ATXN7: variants seen among roughly 807,000 people sequenced by gnomAD.
ATXN7 encodes ataxin 7.
In ATXN7, 12 loss-of-function variants were observed where a neutral mutation model predicts 70.5. The observed-to-expected ratio is 0.17, with a 90% CI of 0.11 to 0.28. ATXN7 has a LOEUF of 0.28. Among genes scored for constraint, ATXN7 ranks in the 10% least tolerant of loss-of-function variants. ATXN7 has a pLI of 1.00. For synonymous variants in ATXN7, 498 were observed against 448.7 expected (o/e 1.11, Z -1.39); for missense variants, 1,256 against 1,131.7 (o/e 1.11, Z -1.58).
intron 8 of ATXN7, 63 bp from the exon 9 acceptor site, chr3:63,987,996 A>T: frequency 6.3e-7 from 1 of 1,591,144 alleles, no homozygotes; most frequent in South Asian, 1.1e-5. Context: ...GTGTTTTGGG[A>T]TATAAGGCAG....
intron 4 of ATXN7, among the ~76,000 whole-genome samples, chr3:63,930,492 A>G (rs1255558602): frequency 1.3e-5 from 2 of 152,136 alleles, no homozygotes; most frequent in African/African-American, 2.4e-5. Flanking sequence ...CCAGAGTGGA[A>G]GAATAGCCAC....
intron 4 of ATXN7, among the ~76,000 whole-genome samples, chr3:63,924,354 G>A (rs1704621789): frequency 6.6e-6 from 1 of 152,178 alleles, no homozygotes; most frequent in Admixed American, 6.5e-5. Flanking sequence ...GGAGCATGGT[G>A]GAGCAGTCTG....
intron 2 of ATXN7, among the ~76,000 whole-genome samples, chr3:63,907,626 AT>A (rs547898744): frequency 0.12 from 15,587 of 131,114 alleles, 944 homozygotes; most frequent in Middle Eastern, 0.17. Context: ...GCCTGGCTGT[AT>A]TTTTTTTTTT....
chr3:63,988,397 G>C, intron 9 of ATXN7, 73 bp downstream of exon 9: 1 of 1,562,066 alleles, frequency 6.4e-7, no homozygotes, highest in South Asian at 1.2e-5. Flanking sequence ...ATTTCAGTAT[G>C]GTCATGCTGT....
Position 63,952,156 on chromosome 3 carries a change from G to A in ATXN7, c.395-223G>A, listed in dbSNP as rs56999098. Among the ~76,000 whole-genome samples, 466 of 152,274 alleles carry A rather than the reference G, an allele frequency of 3.1e-3. 3 individuals are homozygous for A. Among genetic ancestry groups the A allele is most frequent in the African/African-American group, 0.011 (451 of 41,556 alleles). On this transcript the variant is annotated intron_variant, in intron 4 of 12. Transcript: ENST00000674280. ...TTCATTGTTTGCATTTTAAAAGATT[G>A]TTTCACCACATCATAATTATTTTTG... is the stretch of plus-strand genomic sequence containing the variant.
In ATXN7 at chr3:63,913,240, C is replaced by G. The variant is rs776722384; in HGVS notation, c.394+15C>G. On this transcript the variant is annotated intron_variant, in intron 4 of 12. Transcript: ENST00000674280. ...CTGTCGGGAAGGTGAGTCCAGCCCCCCTGATGGAGTTTGTACAAACCCCTG... is the reference window on the plus strand; with the variant it reads ...CTGTCGGGAAGGTGAGTCCAGCCCCGCTGATGGAGTTTGTACAAACCCCTG... 1.7e-5 allele frequency: 27 copies of G among 1,612,418 alleles called. No homozygotes were observed. The East Asian group carries it at 5.1e-4, about 31-fold the overall frequency.
At position 63,912,708 on chromosome 3, in the gene ATXN7, A is replaced by AGCCGCC. The variant is rs1216716369; in HGVS notation, c.112_113insCGCCGC (p.Gln37_Gln38insProPro). The AGCCGCC allele has an allele frequency of 4.9e-5, 59 of 1,197,694 alleles. 1 individual carries two copies. In the South Asian group the frequency reaches 1.8e-3, roughly 36 times the overall value. 74.2% of individuals were successfully genotyped at this position (1,197,694 alleles called of 1,614,324 possible). On this transcript the variant is annotated inframe_insertion, in exon 3 of 13. Transcript: ENST00000674280. ...CGGCAGCAGCAGCAGCAGCAGCAGC[A>AGCCGCC]GCAGCAGCCGCCGCCTCCGCAGCCC...
intron 4 of ATXN7, among the ~76,000 whole-genome samples, chr3:63,949,863 G>C (rs538761952): frequency 6.6e-6 from 1 of 152,130 alleles, no homozygotes; most frequent in Admixed American, 6.5e-5. Context: ...TGGTTATGCC[G>C]CTTTCTTGCT....
rs1167542818 is a variant in ATXN7, at chr3:64,003,320, TTG to T, written c.*3857_*3858del. On this transcript the variant is annotated 3_prime_UTR_variant, in exon 13 of 13. Transcript: ENST00000674280. Reference sequence around the variant, plus strand: ...TAATCAAGAGCATCTCAGCTGGACTTTGTGTTGGCTGCTGTATAGAACATGAA... The same window carrying T: ...TAATCAAGAGCATCTCAGCTGGACTTTGTTGGCTGCTGTATAGAACATGAA... 1 of 151,918 alleles carries T rather than the reference TTG, an allele frequency of 6.6e-6. No individual in the cohort carries two copies. Among genetic ancestry groups the T allele is most frequent in the Non-Finnish European group, 1.5e-5 (1 of 67,976 alleles). 9.4% of individuals were successfully genotyped at this position (151,918 alleles called of 1,614,324 possible). A position where few individuals can be genotyped will look rare whatever the true frequency, so the allele number is the denominator to read the frequency against.
At chr3:63,946,894 G>A (rs968377907) in intron 4 of ATXN7, among the ~76,000 whole-genome samples, 7 of 152,082 alleles carry the variant, frequency 4.6e-5, no homozygotes, top group African/African-American at 1.4e-4. Flanking sequence ...AGGAGGCTAC[G>A]TAAGAGGAAC....
At chr3:63,944,518 G>A (rs979021716) in intron 4 of ATXN7, among the ~76,000 whole-genome samples, 1 of 152,150 alleles carries the variant, frequency 6.6e-6, no homozygotes, top group Non-Finnish European at 1.5e-5. Flanking sequence ...TCCTGGGCAG[G>A]ATGGAGTGGG....
chr3:63,899,061 C>CTTTTT (rs34396635), intron 2 of ATXN7, among the ~76,000 whole-genome samples: 1 of 147,496 alleles, frequency 6.8e-6, no homozygotes. Flanking sequence ...AATGGAGTGT[C>CTTTTT]TTTTTTTTTT....
intron 12 of ATXN7, chr3:63,998,820 C>A: frequency 2.2e-6 from 1 of 456,134 alleles, no homozygotes; most frequent in Non-Finnish European, 2.9e-6. Context: ...CCTCTACTTG[C>A]TGTTCCTTGT....
rs115807468 is a variant in ATXN7 at position 63,881,311 on chromosome 3, T to G, written c.-110-17088T>G. ...AGGAGGGAGTAGGTTTGGAATCTCC[T>G]AAACCATTTTAGGGAATCGGTATGG... On this transcript the variant is annotated intron_variant, in intron 1 of 12. Coordinates refer to ENST00000674280, the MANE Select transcript of ATXN7 (RefSeq NM_001377405.1). Among the ~76,000 whole-genome samples the G allele has an allele frequency of 3.1e-3, 465 of 152,294 alleles. 3 individuals are homozygous for G. The highest frequency in any genetic ancestry group is 0.011 in the African/African-American group (447 of 41,548).
intron 5 of ATXN7, among the ~76,000 whole-genome samples, chr3:63,974,616 A>T (rs1408412118): frequency 6.6e-6 from 1 of 152,214 alleles, no homozygotes; most frequent in Non-Finnish European, 1.5e-5. Context: ...TGAGGTTAAT[A>T]ATAGTATCTA....
intron 4 of ATXN7, among the ~76,000 whole-genome samples, chr3:63,923,134 G>GT (rs1704569438): frequency 6.6e-6 from 1 of 152,158 alleles, no homozygotes; most frequent in Admixed American, 6.6e-5. Flanking sequence ...TCCTCTGACT[G>GT]TTTTGCCTTA....
chr3:63,996,535 G>T (rs2075763055), intron 12 of ATXN7, 52 bp downstream of exon 12: 5 of 1,435,106 alleles, frequency 3.5e-6, no homozygotes, highest in Non-Finnish European at 4.7e-6. Flanking sequence ...TCTCCCTTAA[G>T]ATCTTTTGTC....
chr3:63,909,686 C>T (rs2107287771), intron 2 of ATXN7, among the ~76,000 whole-genome samples: 1 of 152,258 alleles, frequency 6.6e-6, no homozygotes, highest in East Asian at 1.9e-4. Flanking sequence ...AAGGAAACTT[C>T]TAACGACTAT....
In ATXN7 at chr3:63,990,225, C is replaced by G. The variant is rs1407005353; in HGVS notation, c.1411C>G (p.Pro471Ala). 1.2e-6 allele frequency: 2 copies of G among 1,613,772 alleles called. No homozygotes were observed. Among genetic ancestry groups the G allele is most frequent in the African/African-American group, 2.7e-5 (2 of 74,908 alleles). The change falls in exon 10 of 13, where the codon CCT (proline) becomes GCT (alanine). Residue 471 changes from proline to alanine, a missense_variant. By Grantham distance (27) the Pro-to-Ala change is conservative (BLOSUM62 -1). Coordinates refer to ENST00000674280, the MANE Select transcript of ATXN7 (RefSeq NM_001377405.1). ...AGGTGGGAGTGCCCCCATTGACCCT[C>G]CTCCAGTCCATGAATCTCCACACCC... ...QQGGSAPIDP[P>A]PVHESPHPPL...
Sources: allele counts gnomAD v4.1 joint callset (sites outside exome capture counted in the v4.1 genomes callset), GRCh38; gene constraint gnomAD v4.1.1; transcripts MANE v1.5; gene names NCBI Gene and HGNC (gene_info 2026-07-23, HGNC 2026-07-21).